BLTP3B: variants seen among roughly 807,000 people sequenced by gnomAD.
BLTP3B encodes the protein bridge-like lipid transfer protein family member 3B, also known as UHRF1 (ICBP90) binding protein 1-like.
the BLTP3B span, chr12:100,095,573 ATC>A: frequency 2.0e-4 from 285 of 1,423,238 alleles, no homozygotes; most frequent in African/African-American, 3.8e-3. Context: ...AAACCTCACA[ATC>A]TGTCTCTTAA....
chr12:100,108,063 T>C, the BLTP3B span, among the ~76,000 whole-genome samples: 1 of 152,092 alleles, frequency 6.6e-6, no homozygotes, highest in Non-Finnish European at 1.5e-5. Context: ...GTTTAGATTG[T>C]CCCATTTGAC....
chr12:100,063,017 C>G, the BLTP3B span, among the ~76,000 whole-genome samples: 4 of 151,070 alleles, frequency 2.6e-5, no homozygotes, highest in Non-Finnish European at 5.9e-5. Context: ...ATACTGGAAA[C>G]TACTCTTAAC....
chr12:100,092,437 T>C, the BLTP3B span, among the ~76,000 whole-genome samples: 1 of 152,174 alleles, frequency 6.6e-6, no homozygotes, highest in Non-Finnish European at 1.5e-5. Flanking sequence ...GAAACTTGCA[T>C]ATGCCCACTA....
chr12:100,116,938 A>T, the BLTP3B span, among the ~76,000 whole-genome samples: 977 of 152,352 alleles, frequency 6.4e-3, 10 homozygotes, highest in African/African-American at 0.022. Context: ...GAAGGGACAG[A>T]GGAGCCGTAA....
chr12:100,128,474 T>C, the BLTP3B span: 1 of 932,550 alleles, frequency 1.1e-6, no homozygotes, highest in African/African-American at 1.8e-5. Flanking sequence ...GGTATCTGAC[T>C]AAAACAGTAA....
chr12:100,066,629 TA>T, the BLTP3B span, among the ~76,000 whole-genome samples: 34,208 of 135,964 alleles, frequency 0.25, 5,260 homozygotes, highest in African/African-American at 0.47. Context: ...CTGTCTCTAC[TA>T]AAAAAAAAAA....
the BLTP3B span, among the ~76,000 whole-genome samples, chr12:100,078,857 CT>C: frequency 6.4e-3 from 978 of 152,228 alleles, 10 homozygotes; most frequent in African/African-American, 0.022. Context: ...TGTGAGGAAC[CT>C]GGTGGGAGGT....
the BLTP3B span, chr12:100,072,875 G>T: frequency 6.6e-7 from 1 of 1,518,594 alleles, no homozygotes. Context: ...AATAATTTAT[G>T]CAACCCAGAC....
chr12:100,125,839 G>A, the BLTP3B span, among the ~76,000 whole-genome samples: 1 of 152,156 alleles, frequency 6.6e-6, no homozygotes, highest in Non-Finnish European at 1.5e-5. Flanking sequence ...TTAGAAGCAA[G>A]CATATAAATA....
At chr12:100,047,134 T>G in the BLTP3B span, among the ~76,000 whole-genome samples, 1 of 152,142 alleles carries the variant, frequency 6.6e-6, no homozygotes, top group Non-Finnish European at 1.5e-5. Context: ...ATAAGAAATA[T>G]AATAAGTGAA....
the BLTP3B span, among the ~76,000 whole-genome samples, chr12:100,101,814 T>C: frequency 6.6e-6 from 1 of 152,152 alleles, no homozygotes; most frequent in African/African-American, 2.4e-5. Flanking sequence ...ACTTAACTCT[T>C]TGTTTTTGAG....
the BLTP3B span, chr12:100,051,057 ATCTC>A: frequency 6.2e-7 from 1 of 1,610,136 alleles, no homozygotes; most frequent in Non-Finnish European, 8.5e-7. Flanking sequence ...TCTTCATAGA[ATCTC>A]TCTGAAATGA....
At chr12:100,053,045 G>A in the BLTP3B span, among the ~76,000 whole-genome samples, 14 of 151,412 alleles carry the variant, frequency 9.2e-5, no homozygotes, top group Admixed American at 4.6e-4. Context: ...CACCCGCCTC[G>A]GCCTCCCAAA....
the BLTP3B span, chr12:100,142,588 T>G: frequency 2.5e-6 from 4 of 1,608,284 alleles, no homozygotes; most frequent in Non-Finnish European, 3.4e-6. Context: ...AGGCGCTCAC[T>G]GACCTGGAGA....
the BLTP3B span, among the ~76,000 whole-genome samples, chr12:100,135,476 C>T: frequency 6.6e-6 from 1 of 151,968 alleles, no homozygotes. Context: ...ACCATGTTGG[C>T]CAGGCTGGTC....
the BLTP3B span, among the ~76,000 whole-genome samples, chr12:100,090,142 T>C: frequency 6.6e-5 from 10 of 152,292 alleles, no homozygotes; most frequent in East Asian, 1.9e-3. Context: ...TGATATCCTA[T>C]AGAAATAAAG....
chr12:100,047,872 A>G, the BLTP3B span: 1 of 1,294,848 alleles, frequency 7.7e-7, no homozygotes, highest in Non-Finnish European at 1.0e-6. Flanking sequence ...GAGAAGGCAC[A>G]TTCTTAGACA....
At chr12:100,124,918 C>T in the BLTP3B span, among the ~76,000 whole-genome samples, 964 of 84,090 alleles carry the variant, frequency 0.011, 5 homozygotes, top group Non-Finnish European at 0.018. Context: ...TGAGACCCTG[C>T]CTTAAAAAAA....
At chr12:100,142,829 G>T in the BLTP3B span, 4 of 706,870 alleles carry the variant, frequency 5.7e-6, no homozygotes, top group South Asian at 2.0e-5. Context: ...AGGCCGCCAC[G>T]GCCGCCGCGG....
Sources: allele counts gnomAD v4.1 joint callset (sites outside exome capture counted in the v4.1 genomes callset), GRCh38; gene constraint gnomAD v4.1.1; transcripts MANE v1.5; gene names NCBI Gene and HGNC (gene_info 2026-07-23, HGNC 2026-07-21).